Variants in ARHGAP22 observed in about 807,000 individuals in gnomAD.
ARHGAP22 encodes the protein Rho GTPase activating protein 22.
A neutral mutation model predicts 59.1 loss-of-function variants in ARHGAP22; 48 were observed. The observed-to-expected ratio is 0.81, with a 90% CI of 0.64 to 1.03. The LOEUF (loss-of-function observed/expected upper bound fraction) is 1.03, where lower values mean the gene tolerates loss of function less well. Ranked by LOEUF, ARHGAP22 falls within the 50% of genes least tolerant of loss-of-function variation. The pLI, the probability that ARHGAP22 is intolerant of heterozygous loss-of-function variation, is 0.00. For missense variants in ARHGAP22, 1,015 were observed against 958.7 expected, an observed-to-expected ratio of 1.06 and a Z score of -0.78; for synonymous variants, 445 against 416.4, an observed-to-expected ratio of 1.07 and a Z score of -0.84.
intron 1 of ARHGAP22, among the ~76,000 whole-genome samples, chr10:48,633,600 A>G (rs924872397): frequency 6.6e-6 from 1 of 152,218 alleles, no homozygotes; most frequent in African/African-American, 2.4e-5. Flanking sequence ...CAGAGAGATT[A>G]TATCACTTGA....
At chr10:48,548,003 G>C (rs2056593235) in intron 3 of ARHGAP22, among the ~76,000 whole-genome samples, 1 of 152,220 alleles carries the variant, frequency 6.6e-6, no homozygotes, top group Non-Finnish European at 1.5e-5. Flanking sequence ...GTCTTGGGAG[G>C]GCTGGTCCAG....
At chr10:48,629,951 G>T (rs1311259182) in intron 1 of ARHGAP22, among the ~76,000 whole-genome samples, 1 of 151,700 alleles carries the variant, frequency 6.6e-6, no homozygotes, top group African/African-American at 2.4e-5. Context: ...TCATTCTTTT[G>T]GTGCTATTTT....
Position 48,631,092 on chromosome 10 carries a change from A to G in ARHGAP22, c.52+21142T>C, listed in dbSNP as rs570290184. On this transcript the variant is annotated intron_variant, in intron 1 of 9. Coordinates refer to the ARHGAP22 transcript ENST00000435790. ...GGTGGGTTACCACATTGTTTATCAC[A>G]TATTAACTACCACATAATAGTTTTT... 1.3e-3 allele frequency among the ~76,000 whole-genome samples: 203 copies of G among 152,336 alleles called. 1 individual carries two copies. Among genetic ancestry groups the G allele is most frequent in the African/African-American group, 4.5e-3 (187 of 41,590 alleles).
chr10:48,576,253 T>C (rs994539400), intron 2 of ARHGAP22, among the ~76,000 whole-genome samples: 7 of 152,164 alleles, frequency 4.6e-5, no homozygotes, highest in Non-Finnish European at 1.0e-4. Flanking sequence ...GAACCTCCAA[T>C]ATGCCAGGGC....
rs74130278 is a variant in ARHGAP22, at chr10:48,446,736, G to A, written c.1869-117C>T. 157 of 1,016,122 alleles carry A rather than the reference G, an allele frequency of 1.5e-4. 1 individual carries two copies. The African/African-American group carries it at 2.3e-3, about 15-fold the overall frequency. The allele number at this position is 1,016,122 out of a possible 1,614,324, so 62.9% of individuals were successfully genotyped here. On this transcript the variant is annotated intron_variant, in intron 9 of 9. Coordinates refer to ENST00000249601, the MANE Select transcript of ARHGAP22 (RefSeq NM_021226.4). ...GGGGTCAGGCCAAGCCATGGCGGCA[G>A]GAGGAAACCCTGGCTCATCTGCTCC...
chr10:48,491,084 G>A (rs954064300), intron 3 of ARHGAP22, among the ~76,000 whole-genome samples: 6 of 152,130 alleles, frequency 3.9e-5, no homozygotes, highest in Non-Finnish European at 8.8e-5. Flanking sequence ...TCTCAGTTGA[G>A]CAGCCACAGA....
intron 1 of ARHGAP22, among the ~76,000 whole-genome samples, chr10:48,626,329 C>T (rs2061448109): frequency 6.6e-6 from 1 of 152,082 alleles, no homozygotes; most frequent in South Asian, 2.1e-4. Flanking sequence ...ATTCTGATGT[C>T]CCCAGGGTCT....
At chr10:48,485,702 G>C (rs1392395126) in intron 3 of ARHGAP22, among the ~76,000 whole-genome samples, 3 of 152,144 alleles carry the variant, frequency 2.0e-5, no homozygotes. Flanking sequence ...ATTTAGGACT[G>C]TTATGTCCTC....
chr10:48,583,085 C>A lies in ARHGAP22; in HGVS notation c.102G>T (p.Arg34Ser). 1 of 1,614,264 alleles carries A rather than the reference C, an allele frequency of 6.2e-7. No homozygotes were observed. Among genetic ancestry groups the A allele is most frequent in the Non-Finnish European group, 8.5e-7 (1 of 1,180,052 alleles). ...AGCCCGCCTTCAGCACGGGGCCCAGCCTGTGAGGGCACGGCATCCGCCCAG... is the reference window on the plus strand; with the variant it reads ...AGCCCGCCTTCAGCACGGGGCCCAGACTGTGAGGGCACGGCATCCGCCCAG... ...RSPGRMPCPH[R>S]LGPVLKAGWL... The change falls in exon 2 of 10, where the codon AGG (arginine) becomes AGT (serine). Residue 34 changes from arginine (R) to serine (S), a missense_variant. Coordinates refer to ENST00000249601, the MANE Select transcript of ARHGAP22 (RefSeq NM_021226.4).
At position 48,450,271 on chromosome 10, in the gene ARHGAP22, T is replaced by C. The variant is rs778678579; in HGVS notation, c.1858A>G (p.Ser620Gly). ...GGGGCAGCAAGTTACCTTTTCACAC[T>C]CCTCTCGTACTCAGTCCGCTGGCGG... ...LCRQRTEYERSVKRIEEGSAD... is the reference protein window; with the variant it reads ...LCRQRTEYERGVKRIEEGSAD... Residue 620 changes from serine to glycine, a missense_variant, in exon 9 of 10, where the codon AGT becomes GGT. Coordinates refer to ENST00000249601, the MANE Select transcript of ARHGAP22 (RefSeq NM_021226.4). 29 of 1,609,484 alleles carry C rather than the reference T, an allele frequency of 1.8e-5. No individual in the cohort carries two copies. In the South Asian group the frequency reaches 3.0e-4, roughly 17 times the overall value.
intron 3 of ARHGAP22, chr10:48,511,672 G>A (rs1001554872): frequency 9.2e-5 from 14 of 152,240 alleles, no homozygotes; most frequent in African/African-American, 3.4e-4. Flanking sequence ...GTCCCCAGAA[G>A]AGGACTGGAG....
chr10:48,521,445 G>A (rs561388054), intron 3 of ARHGAP22, among the ~76,000 whole-genome samples: 1 of 152,310 alleles, frequency 6.6e-6, no homozygotes, highest in East Asian at 1.9e-4. Flanking sequence ...GAATATTTCA[G>A]CTTTTCTGCT....
chr10:48,478,630 T>C (rs1434738733), intron 4 of ARHGAP22, among the ~76,000 whole-genome samples: 2 of 152,212 alleles, frequency 1.3e-5, no homozygotes, highest in Non-Finnish European at 2.9e-5. Context: ...AGGGAGTCGG[T>C]GGCCCTGGCC....
chr10:48,547,698 C>T (rs996307023), intron 3 of ARHGAP22, among the ~76,000 whole-genome samples: 2 of 152,224 alleles, frequency 1.3e-5, no homozygotes, highest in Non-Finnish European at 2.9e-5. Context: ...TCACGTCTTC[C>T]TCGGGCTAAT....
intron 3 of ARHGAP22, among the ~76,000 whole-genome samples, chr10:48,480,506 C>G (rs917559609): frequency 3.3e-5 from 5 of 152,314 alleles, no homozygotes; most frequent in South Asian, 2.1e-4. Context: ...CATCCTACCC[C>G]CCGACATCCC....
intron 2 of ARHGAP22, among the ~76,000 whole-genome samples, chr10:48,560,056 T>C (rs1339224568): frequency 1.3e-5 from 2 of 152,228 alleles, no homozygotes; most frequent in Admixed American, 1.3e-4. Flanking sequence ...TATGTTATGC[T>C]ACATGACAAA....
intron 3 of ARHGAP22, among the ~76,000 whole-genome samples, chr10:48,548,949 G>A (rs188254951): frequency 7.2e-5 from 11 of 152,270 alleles, no homozygotes; most frequent in Non-Finnish European, 1.6e-4. Context: ...CAGTTCCACC[G>A]CTCACCGGCC....
intron 3 of ARHGAP22, among the ~76,000 whole-genome samples, chr10:48,537,345 C>G (rs756542390): frequency 1.3e-5 from 2 of 152,202 alleles, no homozygotes; most frequent in Non-Finnish European, 2.9e-5. Context: ...TCCTGGAGCC[C>G]TCTCCTCATC....
chr10:48,602,295 A>G (rs2060431513), intron 1 of ARHGAP22, among the ~76,000 whole-genome samples: 1 of 152,190 alleles, frequency 6.6e-6, no homozygotes, highest in Non-Finnish European at 1.5e-5. Flanking sequence ...CTCCTGCTAC[A>G]GGAGATGGTT....
Sources: gnomAD v4.1 joint callset for allele counts (sites outside exome capture counted in the v4.1 genomes callset) on GRCh38, gnomAD v4.1.1 for gene constraint, MANE v1.5 for transcripts, NCBI Gene and HGNC (gene_info 2026-07-23, HGNC 2026-07-21) for gene names.